The following ADAMTS2 variants were observed in gnomAD, a reference collection of about 807,000 sequenced individuals.
ADAMTS2 encodes A disintegrin and metalloproteinase with thrombospondin motifs 2.
A neutral mutation model predicts 123.0 loss-of-function variants in ADAMTS2; 50 were observed. The observed-to-expected ratio is 0.41, with a 90% CI of 0.32 to 0.51. The LOEUF (loss-of-function observed/expected upper bound fraction) is 0.51, where lower values mean the gene tolerates loss of function less well. Ranked by LOEUF, ADAMTS2 falls within the 20% of genes least tolerant of loss-of-function variation. The pLI is 0.35. For synonymous variants in ADAMTS2, 678 were observed against 695.4 expected (o/e 0.98, Z 0.39); for missense variants, 1,494 against 1,705.2 (o/e 0.88, Z 2.18).
In ADAMTS2 at chr5:179,260,379, A is replaced by G. The variant is rs1231568167; in HGVS notation, c.688+12532T>C. ...CTGCAAATTCCACTGTAAGCAAAAG[A>G]TTCTCCCCGAAGCTAACGTGCTAAG... On this transcript the variant is annotated intron_variant, in intron 3 of 21. Transcript: ENST00000251582. This position sits in a 1 kb window ranked among gnomAD's most constrained non-coding sequence, Gnocchi z 4.2. Among the ~76,000 whole-genome samples, 1 of 152,204 alleles carries G rather than the reference A, an allele frequency of 6.6e-6. No individual in the cohort carries two copies. The highest frequency in any genetic ancestry group is 2.4e-5 in the African/African-American group (1 of 41,460).
At position 179,139,964 on chromosome 5, in the gene ADAMTS2, C is replaced by G; in HGVS notation, c.1701G>C (p.Trp567Cys). Reference sequence around the variant, plus strand: ...TACGTGAGCAGGAGCCAAACGGACTCCAAGCGCCCCAGCTGCCGTCCCGTT... The same window carrying G: ...TACGTGAGCAGGAGCCAAACGGACTGCAAGCGCCCCAGCTGCCGTCCCGTT... ...ILKRDGSWGA[W>C]SPFGSCSRTC... is the part of the protein sequence containing the mutation. Residue 567 changes from tryptophan to cysteine, a missense_variant, in exon 11 of 22, where the codon TGG becomes TGC. Coordinates refer to ENST00000251582, the MANE Select transcript of ADAMTS2 (RefSeq NM_014244.5). 1 of 1,613,986 alleles carries G rather than the reference C, an allele frequency of 6.2e-7. No individual in the cohort carries two copies. Among genetic ancestry groups the G allele is most frequent in the Non-Finnish European group, 8.5e-7 (1 of 1,180,014 alleles).
Position 179,130,104 on chromosome 5 carries a change from A to G in ADAMTS2, c.2291-6T>C, listed in dbSNP as rs1267632936. ...TGTCTCCAGGTTCTTGACGGCTGAGAATGGCAAGACCAAGTCCCCCGTTGT... is the reference window on the plus strand; with the variant it reads ...TGTCTCCAGGTTCTTGACGGCTGAGGATGGCAAGACCAAGTCCCCCGTTGT... On this transcript the variant is annotated splice_polypyrimidine_tract_variant and splice_region_variant and intron_variant, in intron 15 of 21. Coordinates refer to ENST00000251582, the MANE Select transcript of ADAMTS2 (RefSeq NM_014244.5). This position sits in a 1 kb window ranked among gnomAD's most constrained non-coding sequence, Gnocchi z 4.3. The G allele has an allele frequency of 6.2e-7, 1 of 1,613,876 alleles. No individual in the cohort carries two copies. The highest frequency in any genetic ancestry group is 8.5e-7 in the Non-Finnish European group (1 of 1,180,018).
chr5:179,153,404 T>A lies in ADAMTS2; in HGVS notation c.1515+87A>T, dbSNP rs570208665. The A allele has an allele frequency of 2.9e-4, 466 of 1,585,018 alleles. 4 individuals carry two copies. The South Asian group carries it at 4.2e-3, about 14-fold the overall frequency. On this transcript the variant is annotated intron_variant, in intron 9 of 21. Coordinates refer to ENST00000251582, the MANE Select transcript of ADAMTS2 (RefSeq NM_014244.5). The stretch of plus-strand genomic sequence containing the variant: ...CTCTGCCCTCCCCACACTGGGCCGG[T>A]CCTCACACTGTCCCGGGAGCTGCCC...
chr5:179,223,322 ACT>A lies in ADAMTS2; in HGVS notation c.689-15609_689-15608del, dbSNP rs542199256. On this transcript the variant is annotated intron_variant, in intron 3 of 21. Coordinates refer to ENST00000251582, the MANE Select transcript of ADAMTS2 (RefSeq NM_014244.5). ...AACGCACTCACATACACACATGCAC[ACT>A]CACACAAATGCACTCATATACACAC... is the stretch of plus-strand genomic sequence containing the variant. Among the ~76,000 whole-genome samples, 315 of 150,630 alleles carry A rather than the reference ACT, an allele frequency of 2.1e-3. 1 individual carries two copies. Among genetic ancestry groups the A allele is most frequent in the Non-Finnish European group, 3.7e-3 (251 of 67,750 alleles).
intron 12 of ADAMTS2, among the ~76,000 whole-genome samples, chr5:179,137,454 C>T (rs917996848): frequency 3.9e-5 from 6 of 152,166 alleles, no homozygotes; most frequent in Non-Finnish European, 7.4e-5. Flanking sequence ...CTGAGCTGAC[C>T]ACACAGCTCA....
intron 4 of ADAMTS2, among the ~76,000 whole-genome samples, chr5:179,192,975 C>T (rs965616124): frequency 1.7e-4 from 26 of 152,226 alleles, no homozygotes; most frequent in Admixed American, 6.5e-4. Context: ...TCTCCCACCC[C>T]AGCGGGCTCC....
intron 3 of ADAMTS2, among the ~76,000 whole-genome samples, chr5:179,264,540 C>T (rs929219212): frequency 1.3e-5 from 2 of 152,268 alleles, no homozygotes; most frequent in Non-Finnish European, 2.9e-5. Flanking sequence ...CACAGCTTCA[C>T]CCCTGAGCCG....
At chr5:179,336,418 CG>C (rs1160512805) in intron 2 of ADAMTS2, among the ~76,000 whole-genome samples, 1 of 152,220 alleles carries the variant, frequency 6.6e-6, no homozygotes, top group Non-Finnish European at 1.5e-5. Flanking sequence ...ACTCAGTTCC[CG>C]GGAGCCGTGA....
intron 5 of ADAMTS2, among the ~76,000 whole-genome samples, chr5:179,161,298 G>A (rs1763587204): frequency 1.3e-5 from 2 of 152,154 alleles, no homozygotes; most frequent in South Asian, 4.1e-4. Flanking sequence ...GCTTGGGATG[G>A]CACAAGAAGG....
At chr5:179,191,929 G>A (rs113699224) in intron 4 of ADAMTS2, among the ~76,000 whole-genome samples, 8 of 152,216 alleles carry the variant, frequency 5.3e-5, no homozygotes, top group African/African-American at 1.7e-4. Context: ...GGGCCAGGGC[G>A]TGGGTAGCTG....
intron 15 of ADAMTS2, among the ~76,000 whole-genome samples, chr5:179,131,653 G>C (rs564928742): frequency 9.2e-5 from 14 of 152,186 alleles, no homozygotes; most frequent in Non-Finnish European, 1.9e-4. Flanking sequence ...AGAGCCTCCC[G>C]CGTGGCCTGG....
At chr5:179,304,924 CA>C (rs1296786492) in intron 2 of ADAMTS2, among the ~76,000 whole-genome samples, 1 of 150,320 alleles carries the variant, frequency 6.7e-6, no homozygotes, top group Non-Finnish European at 1.5e-5. Context: ...AAACTACAGA[CA>C]AAAAAAAGTC....
At chr5:179,216,392 C>T (rs576024880) in intron 3 of ADAMTS2, among the ~76,000 whole-genome samples, 29 of 152,336 alleles carry the variant, frequency 1.9e-4, no homozygotes, top group South Asian at 1.0e-3. Context: ...CTGCTGAGGA[C>T]GCACAACATT....
At position 179,118,684 on chromosome 5, in the gene ADAMTS2, A is replaced by G. The variant is rs1445189408; in HGVS notation, c.3178+2977T>C. ...CCCTAAAATAGGAATACAAAAAAAA[A>G]GTTTAAAGTCCTTTTAAAGTCAATT... On this transcript the variant is annotated intron_variant, in intron 21 of 21. Transcript: ENST00000251582. This position sits in a 1 kb window ranked among gnomAD's most constrained non-coding sequence, Gnocchi z 4.5. Among the ~76,000 whole-genome samples the G allele has an allele frequency of 1.3e-5, 2 of 152,262 alleles. No individual in the cohort carries two copies.
rs2113170528 is a variant in ADAMTS2 at position 179,118,253 on chromosome 5, A to T, written c.3178+3408T>A. Among the ~76,000 whole-genome samples the T allele has an allele frequency of 6.6e-6, 1 of 152,382 alleles. No individual in the cohort carries two copies. The highest frequency in any genetic ancestry group is 1.5e-5 in the Non-Finnish European group (1 of 68,040). The stretch of plus-strand genomic sequence containing the variant: ...AGCCTAGAAAAATTTCAAAGTCATC[A>T]TGACCAACTGATCTTAAAGATGCCC... On this transcript the variant is annotated intron_variant, in intron 21 of 21. Transcript: ENST00000251582. The surrounding 1 kb of genome is among the most constrained non-coding windows in gnomAD (Gnocchi z 4.5).
intron 3 of ADAMTS2, among the ~76,000 whole-genome samples, chr5:179,229,656 T>C (rs1028927747): frequency 1.3e-5 from 2 of 152,172 alleles, no homozygotes; most frequent in African/African-American, 2.4e-5. Flanking sequence ...GCCCTTCCTC[T>C]GCAGCCATTC....
At chr5:179,342,321 C>T (rs1393194107) in intron 2 of ADAMTS2, among the ~76,000 whole-genome samples, 1 of 152,206 alleles carries the variant, frequency 6.6e-6, no homozygotes, top group African/African-American at 2.4e-5. Flanking sequence ...GGAAATTAAC[C>T]TCCAGCGTAA....
Position 179,129,803 on chromosome 5 carries a change from A to G in ADAMTS2, c.2457+129T>C. The G allele has an allele frequency of 7.7e-7, 1 of 1,293,798 alleles. No homozygotes were observed. Among genetic ancestry groups the G allele is most frequent in the Admixed American group, 2.1e-5 (1 of 48,136 alleles). 80.1% of individuals were successfully genotyped at this position (1,293,798 alleles called of 1,614,324 possible). A position where few individuals can be genotyped will look rare whatever the true frequency, so the allele number is the denominator to read the frequency against. On this transcript the variant is annotated intron_variant, in intron 16 of 21. Coordinates refer to ENST00000251582, the MANE Select transcript of ADAMTS2 (RefSeq NM_014244.5). The surrounding 1 kb of genome is among the most constrained non-coding windows in gnomAD (Gnocchi z 4.1). ...GACCAAGTCGGAGCCCCTTGGTGCC[A>G]AAGGCAGGCCAAAGGGGCCACGCAG... is the stretch of plus-strand genomic sequence containing the variant.
At position 179,125,993 on chromosome 5, in the gene ADAMTS2, C is replaced by G. The variant is rs780397328; in HGVS notation, c.2750+5G>C. 6.2e-7 allele frequency: 1 copy of G among 1,613,426 alleles called. No individual in the cohort carries two copies. Among genetic ancestry groups the G allele is most frequent in the Non-Finnish European group, 8.5e-7 (1 of 1,180,002 alleles). The stretch of plus-strand genomic sequence containing the variant: ...CTAGTGGGAGCCCGAGCTGGGGGCA[C>G]TCACACTGGCTGGGAGCATTCCTGT... On this transcript the variant is annotated splice_donor_5th_base_variant and intron_variant, in intron 18 of 21. Transcript: ENST00000251582.
Sources: allele counts gnomAD v4.1 joint callset (sites outside exome capture counted in the v4.1 genomes callset), GRCh38; gene constraint gnomAD v4.1.1; non-coding constraint Gnocchi (gnomAD v3.1); transcripts MANE v1.5; gene names NCBI Gene and HGNC (gene_info 2026-07-23, HGNC 2026-07-21).